The following GRID2 variants were observed in gnomAD, a reference collection of about 807,000 sequenced individuals.
The protein encoded by GRID2 is glutamate receptor ionotropic, delta-2.
GRID2 carries 33 observed loss-of-function variants against 114.8 expected under a neutral mutation model. The observed-to-expected ratio is 0.29, with a 90% CI of 0.22 to 0.38. The LOEUF is 0.38. Among genes scored for constraint, GRID2 ranks in the 10% least tolerant of loss-of-function variants. The pLI is 1.00. For synonymous variants in GRID2, 505 were observed against 449.9 expected, an observed-to-expected ratio of 1.12 and a Z score of -1.55; for missense variants, 1,184 against 1,257.7, an observed-to-expected ratio of 0.94 and a Z score of 0.89.
intron 10 of GRID2, among the ~76,000 whole-genome samples, chr4:93,454,933 G>A (rs1464651445): frequency 1.3e-5 from 2 of 151,912 alleles, no homozygotes; most frequent in Admixed American, 6.6e-5. Flanking sequence ...CTACCCTCTG[G>A]TTTACTGAGA....
chr4:93,585,859 G>A (rs1016524098), intron 13 of GRID2, among the ~76,000 whole-genome samples: 5 of 151,978 alleles, frequency 3.3e-5, no homozygotes, highest in East Asian at 1.9e-4. Context: ...AGACTCTCTT[G>A]TACATGGCAT....
At chr4:93,068,638 T>A (rs2149302157) in intron 2 of GRID2, among the ~76,000 whole-genome samples, 1 of 152,092 alleles carries the variant, frequency 6.6e-6, no homozygotes, top group African/African-American at 2.4e-5. Context: ...ACTGCTTCTT[T>A]GATATATATC....
chr4:93,540,743 A>C (rs958588140), intron 13 of GRID2, among the ~76,000 whole-genome samples: 1 of 152,234 alleles, frequency 6.6e-6, no homozygotes, highest in African/African-American at 2.4e-5. Flanking sequence ...GAAAGCACAC[A>C]ATCTGTCCAG....
chr4:93,304,303 T>A (rs1755187072), intron 8 of GRID2, among the ~76,000 whole-genome samples: 1 of 149,856 alleles, frequency 6.7e-6, no homozygotes, highest in Admixed American at 6.7e-5. Context: ...GTTATCTATG[T>A]TACATTAACC....
At chr4:93,364,961 T>A (rs1333035488) in intron 8 of GRID2, among the ~76,000 whole-genome samples, 1 of 152,232 alleles carries the variant, frequency 6.6e-6, no homozygotes, top group Non-Finnish European at 1.5e-5. Context: ...AACTGTTATT[T>A]TTATTCTGCA....
At position 93,324,434 on chromosome 4, in the gene GRID2, T is replaced by C. The variant is rs558891095; in HGVS notation, c.1246-71173T>C. ...TGGTGGATATGCTGCTGGATTCAGT[T>C]TGCCAGTATTTTATTGAGGATTTTC... On this transcript the variant is annotated intron_variant, in intron 8 of 15. Coordinates refer to ENST00000282020, the MANE Select transcript of GRID2 (RefSeq NM_001510.4). 4.6e-5 allele frequency among the ~76,000 whole-genome samples: 7 copies of C among 152,156 alleles called. No individual in the cohort carries two copies. In the South Asian group the frequency reaches 1.5e-3, roughly 32 times the overall value.
intron 8 of GRID2, among the ~76,000 whole-genome samples, chr4:93,260,105 C>A (rs1036290682): frequency 3.3e-5 from 5 of 151,622 alleles, no homozygotes; most frequent in Non-Finnish European, 7.4e-5. Context: ...ACATATAATG[C>A]ATGCTTATTT....
intron 2 of GRID2, among the ~76,000 whole-genome samples, chr4:92,648,808 C>T (rs1460517804): frequency 6.8e-6 from 1 of 147,996 alleles, no homozygotes; most frequent in Non-Finnish European, 1.5e-5. Context: ...TATCAGTTCA[C>T]ATTTATTCCA....
At chr4:93,239,637 T>C (rs1407217534) in intron 8 of GRID2, among the ~76,000 whole-genome samples, 1 of 151,528 alleles carries the variant, frequency 6.6e-6, no homozygotes, top group Non-Finnish European at 1.5e-5. Context: ...ATGAAACATA[T>C]AGAAAACTGC....
chr4:92,700,993 C>CAAAAAAAAAAAAA (rs781142253), intron 2 of GRID2, among the ~76,000 whole-genome samples: 1 of 83,854 alleles, frequency 1.2e-5, no homozygotes, highest in African/African-American at 4.9e-5. Flanking sequence ...GACTCCATCT[C>CAAAAAAAAAAAAA]AAAAAAAAAA....
At chr4:92,634,745 T>TC (rs1346012217) in intron 2 of GRID2, among the ~76,000 whole-genome samples, 7 of 140,708 alleles carry the variant, frequency 5.0e-5, no homozygotes, top group African/African-American at 1.9e-4. Flanking sequence ...TCTTTTTTTT[T>TC]TCTTTTTTTT....
At position 92,367,305 on chromosome 4, in the gene GRID2, GATAAA is replaced by G. The variant is rs372494106; in HGVS notation, c.88+62566_88+62570del. ...AATTTATAATGGGAAAGAGAACAATGATAAAATAATGTGCATGTACATCAATAAAA... is the reference window on the plus strand; with the variant it reads ...AATTTATAATGGGAAAGAGAACAATGATAATGTGCATGTACATCAATAAAA... On this transcript the variant is annotated intron_variant, in intron 1 of 15. Transcript: ENST00000282020. 1.7e-3 allele frequency among the ~76,000 whole-genome samples: 253 copies of G among 152,152 alleles called. 1 individual carries two copies. The highest frequency in any genetic ancestry group is 5.7e-3 in the African/African-American group (237 of 41,540).
chr4:93,453,908 A>G (rs1466057818), intron 10 of GRID2, among the ~76,000 whole-genome samples: 1 of 152,054 alleles, frequency 6.6e-6, no homozygotes, highest in Non-Finnish European at 1.5e-5. Flanking sequence ...CATCATTAAA[A>G]TCAAGATAAA....
intron 1 of GRID2, among the ~76,000 whole-genome samples, chr4:92,494,688 T>A (rs768118009): frequency 3.9e-5 from 6 of 152,058 alleles, no homozygotes; most frequent in Non-Finnish European, 8.8e-5. Flanking sequence ...GTAAAAGATT[T>A]GCCAAATGTG....
chr4:93,525,432 C>T (rs1310481865), intron 13 of GRID2, among the ~76,000 whole-genome samples: 1 of 152,042 alleles, frequency 6.6e-6, no homozygotes, highest in Non-Finnish European at 1.5e-5. Flanking sequence ...AACAAAGACA[C>T]CTACTGGGCC....
intron 8 of GRID2, among the ~76,000 whole-genome samples, chr4:93,317,701 T>A (rs1756808551): frequency 6.6e-6 from 1 of 151,980 alleles, no homozygotes. Flanking sequence ...ACATTCCAAT[T>A]TATTTTCTTT....
At chr4:93,015,287 A>G (rs1395391091) in intron 2 of GRID2, among the ~76,000 whole-genome samples, 2 of 152,130 alleles carry the variant, frequency 1.3e-5, no homozygotes, top group African/African-American at 2.4e-5. Context: ...TGGAAATGAG[A>G]GAGACAATCT....
At chr4:93,425,456 C>G (rs1768749814) in intron 10 of GRID2, among the ~76,000 whole-genome samples, 2 of 152,140 alleles carry the variant, frequency 1.3e-5, no homozygotes, top group Non-Finnish European at 2.9e-5. Flanking sequence ...CTGGGGAAAG[C>G]CTGTGGTTCT....
At position 92,610,225 on chromosome 4, in the gene GRID2, C is replaced by T. The variant is rs140784406; in HGVS notation, c.244+19939C>T. The stretch of plus-strand genomic sequence containing the variant: ...CTGGAATATTTACGTTGCTGGGACC[C>T]AGGTTTTACCAGGCAGATGGGGACA... On this transcript the variant is annotated intron_variant, in intron 2 of 15. Coordinates refer to ENST00000282020, the MANE Select transcript of GRID2 (RefSeq NM_001510.4). Among the ~76,000 whole-genome samples the T allele has an allele frequency of 5.9e-5, 9 of 151,634 alleles. No homozygotes were observed. In the East Asian group the frequency reaches 1.8e-3, roughly 30 times the overall value.
Sources: allele counts gnomAD v4.1 joint callset (sites outside exome capture counted in the v4.1 genomes callset), GRCh38; gene constraint gnomAD v4.1.1; transcripts MANE v1.5; gene names NCBI Gene and HGNC (gene_info 2026-07-23, HGNC 2026-07-21).